Variants in BFSP1 observed in about 807,000 individuals in gnomAD.
The protein encoded by BFSP1 is filensin.
In BFSP1, 38 loss-of-function variants were observed where a neutral mutation model predicts 43.9. The observed-to-expected ratio is 0.87, with a 90% CI of 0.67 to 1.14. BFSP1 has a LOEUF of 1.14. Ranked by LOEUF, BFSP1 falls within the 50% of genes most tolerant of loss-of-function variation. The pLI is 0.00. For missense variants in BFSP1, 850 were observed against 875.1 expected, an observed-to-expected ratio of 0.97 and a Z score of 0.36; for synonymous variants, 352 against 354.8, an observed-to-expected ratio of 0.99 and a Z score of 0.09.
intron 6 of BFSP1, among the ~76,000 whole-genome samples, chr20:17,497,799 C>T (rs1359639413): frequency 1.3e-5 from 2 of 151,878 alleles, no homozygotes; most frequent in East Asian, 3.9e-4. Context: ...TCTATTCTTG[C>T]AACATTTCTA....
chr20:17,569,200 C>G (rs2035159707), exon 1 of BFSP1: 1 of 152,268 alleles, frequency 6.6e-6, no homozygotes, highest in Admixed American at 6.5e-5. Context: ...ACAGAGCACT[C>G]TGCATGGCCA....
rs772228624 is a variant in BFSP1 at position 17,498,992 on chromosome 20, C to T, written c.784G>A (p.Asp262Asn). Residue 262 changes from aspartate (D) to asparagine (N), a missense_variant, in exon 6 of 8, where the codon GAT becomes AAT. Transcript: ENST00000377873. ...AIKSAHECYD[D>N]EIQLYNEQIE... ...TGCTCGTTATAAAGCTGAATCTCAT[C>T]GTCATAACACTCATGGGCACTTTTA... The T allele has an allele frequency of 2.2e-5, 35 of 1,614,072 alleles. No individual in the cohort carries two copies. The highest frequency in any genetic ancestry group is 4.4e-5 in the South Asian group (4 of 91,088).
At chr20:17,537,924 C>T (rs1030278657) in intron 1 of BFSP1, among the ~76,000 whole-genome samples, 2 of 152,044 alleles carry the variant, frequency 1.3e-5, no homozygotes, top group Non-Finnish European at 1.5e-5. Context: ...CCAAGACCAG[C>T]CTGGGCAATA....
intron 4 of BFSP1, among the ~76,000 whole-genome samples, chr20:17,510,028 G>A (rs2034039079): frequency 6.6e-6 from 1 of 152,174 alleles, no homozygotes; most frequent in African/African-American, 2.4e-5. Flanking sequence ...CTTACAAAGT[G>A]GCTGCAGCAA....
chr20:17,527,692 C>T (rs985545247), intron 1 of BFSP1, among the ~76,000 whole-genome samples: 4 of 152,042 alleles, frequency 2.6e-5, no homozygotes, highest in African/African-American at 9.7e-5. Flanking sequence ...CACGCCACTG[C>T]ACTCCAGGCT....
chr20:17,497,471 CGT>C (rs1568679194), intron 6 of BFSP1, among the ~76,000 whole-genome samples: 2 of 144,518 alleles, frequency 1.4e-5, no homozygotes, highest in Non-Finnish European at 3.0e-5. Flanking sequence ...CACACACACA[CGT>C]ATATATACGT....
chr20:17,567,518 G>C (rs184033948), intron 1 of BFSP1, among the ~76,000 whole-genome samples: 4 of 152,026 alleles, frequency 2.6e-5, no homozygotes, highest in Non-Finnish European at 5.9e-5. Flanking sequence ...CCTCAACCCC[G>C]GAATCTGCAG....
intron 1 of BFSP1, among the ~76,000 whole-genome samples, chr20:17,552,256 GA>G (rs1568716984): frequency 6.6e-6 from 1 of 152,114 alleles, no homozygotes; most frequent in East Asian, 1.9e-4. Flanking sequence ...AAGCCATTTG[GA>G]TTCTTGAAGA....
intron 3 of BFSP1, among the ~76,000 whole-genome samples, chr20:17,514,140 C>T (rs1458774177): frequency 1.3e-5 from 2 of 152,206 alleles, no homozygotes; most frequent in South Asian, 2.1e-4. Context: ...ACTTCACCCA[C>T]GTCACTGCTG....
At chr20:17,496,812 C>T in intron 7 of BFSP1, 126 bp downstream of exon 7, 1 of 898,766 alleles carries the variant, frequency 1.1e-6, no homozygotes, top group Non-Finnish European at 1.6e-6. Context: ...AGGAGTCCTC[C>T]TTCACATAAA....
At chr20:17,526,831 GT>G (rs1173654617) in intron 1 of BFSP1, among the ~76,000 whole-genome samples, 1 of 152,144 alleles carries the variant, frequency 6.6e-6, no homozygotes, top group Non-Finnish European at 1.5e-5. Context: ...ATTTTCTGTT[GT>G]TTTTTGTTTT....
Position 17,494,744 on chromosome 20 carries a change from T to G in BFSP1, c.1328A>C (p.Lys443Thr). ...TTTCTCCTTGACCTTCCTGTATAGT[T>G]TCCCAAAGCCTTTGCTTATCTGCCC... is the stretch of plus-strand genomic sequence containing the variant. Reference protein sequence around the residue: ...DGGQISKGFGKLYRKVKEKVR... With the variant: ...DGGQISKGFGTLYRKVKEKVR... Residue 443 changes from lysine (K) to threonine (T), a missense_variant, in exon 8 of 8, where the codon AAA (lysine) becomes ACA (threonine). By Grantham distance (78) the Lys-to-Thr change is moderately conservative. Coordinates refer to ENST00000377873, the MANE Select transcript of BFSP1 (RefSeq NM_001195.5). 3.7e-6 allele frequency: 6 copies of G among 1,614,152 alleles called. No homozygotes were observed. Among genetic ancestry groups the G allele is most frequent in the Non-Finnish European group, 4.2e-6 (5 of 1,180,036 alleles).
At chr20:17,521,973 G>A (rs887753407) in intron 2 of BFSP1, among the ~76,000 whole-genome samples, 5 of 152,134 alleles carry the variant, frequency 3.3e-5, no homozygotes, top group African/African-American at 1.2e-4. Context: ...AACACCCAGC[G>A]CTTCTGGACT....
At chr20:17,527,999 G>C (rs147221645) in intron 1 of BFSP1, among the ~76,000 whole-genome samples, 288 of 152,236 alleles carry the variant, frequency 1.9e-3, no homozygotes, top group Non-Finnish European at 3.1e-3. Flanking sequence ...TTATTCAACT[G>C]CCAGGTAGAG....
At chr20:17,557,263 G>GC (rs1260291770) in intron 1 of BFSP1, among the ~76,000 whole-genome samples, 1 of 152,180 alleles carries the variant, frequency 6.6e-6, no homozygotes, top group Non-Finnish European at 1.5e-5. Flanking sequence ...GAATAATCTG[G>GC]CCCTCGCAGT....
upstream of BFSP1, among the ~76,000 whole-genome samples, chr20:17,535,564 G>A (rs772167716): frequency 7.2e-5 from 11 of 152,102 alleles, no homozygotes; most frequent in Non-Finnish European, 1.2e-4. Flanking sequence ...CTATCTAGGA[G>A]CAAAGACCCA....
rs550904619 is a variant in BFSP1 at position 17,547,741 on chromosome 20, T to C, written c.2+10947A>G. Among the ~76,000 whole-genome samples, 5 of 150,862 alleles carry C rather than the reference T, an allele frequency of 3.3e-5. No individual in the cohort carries two copies. The East Asian group carries it at 7.8e-4, about 23-fold the overall frequency. On this transcript the variant is annotated intron_variant, in intron 1 of 7. Transcript: ENST00000377868. ...TTTTTTTTCTTTTTCTTTCTTTTTT[T>C]TTTTTTTTGAAACAAGGTCTCATTC...
At position 17,518,887 on chromosome 20, in the gene BFSP1, A is replaced by C. The variant is rs540937431; in HGVS notation, c.439-4071T>G. On this transcript the variant is annotated intron_variant, in intron 2 of 7. Coordinates refer to ENST00000377873, the MANE Select transcript of BFSP1 (RefSeq NM_001195.5). The stretch of plus-strand genomic sequence containing the variant: ...GGTCACATGACCACCATCTTGCCTG[A>C]CAGCTGGACCACACGATGTGAAGGA... Among the ~76,000 whole-genome samples, 5 of 152,238 alleles carry C rather than the reference A, an allele frequency of 3.3e-5. No homozygotes were observed. In the South Asian group the frequency reaches 1.0e-3, roughly 32 times the overall value.
At chr20:17,556,060 C>A (rs2034985802) in intron 1 of BFSP1, among the ~76,000 whole-genome samples, 1 of 151,766 alleles carries the variant, frequency 6.6e-6, no homozygotes. Context: ...CATTTTATAC[C>A]AATGGGAAAG....
Sources: allele counts gnomAD v4.1 joint callset (sites outside exome capture counted in the v4.1 genomes callset), GRCh38; gene constraint gnomAD v4.1.1; transcripts MANE v1.5; gene names NCBI Gene and HGNC (gene_info 2026-07-23, HGNC 2026-07-21).